Variants in CDV3 observed in about 807,000 individuals in gnomAD.
The protein encoded by CDV3 is CDV3 homolog.
Under a neutral mutation model 24.5 loss-of-function variants are expected in CDV3, and 14 were observed. The observed-to-expected ratio is 0.57, with a 90% CI of 0.38 to 0.89. The LOEUF (loss-of-function observed/expected upper bound fraction) is 0.89, where lower values mean the gene tolerates loss of function less well. Among genes scored for constraint, CDV3 ranks in the 40% least tolerant of loss-of-function variants. The probability of loss-of-function intolerance (pLI) is 0.00; values close to 1 mark genes in which losing one functional copy is unlikely to be tolerated. For missense variants in CDV3, 304 were observed against 310.2 expected (o/e 0.98, Z 0.15); for synonymous variants, 114 against 114.1 (o/e 1.00, Z 0.00).
At chr3:133,575,138 T>C in intron 2 of CDV3, 23 bp downstream of exon 2, 3 of 1,307,218 alleles carry the variant, frequency 2.3e-6, no homozygotes, top group South Asian at 1.2e-5. Flanking sequence ...TACAAATGTG[T>C]TTAGATAACC....
At chr3:133,576,841 C>CTTTTTTGTTTTTTTTTTTTT in intron 2 of CDV3, among the ~76,000 whole-genome samples, 1 of 62,388 alleles carries the variant, frequency 1.6e-5, no homozygotes, top group Non-Finnish European at 2.8e-5. Context: ...GGTAGACTAG[C>CTTTTTTGTTTTTTTTTTTTT]TTTTTTTTTT....
rs1324680817 is a variant in CDV3, at chr3:133,588,035, C to T, written c.766C>T (p.Gln256Ter). ...TGAAAATCAGAAAAGCAGCCACTCACAATACAATTAAGGAATGGGCTTTGC... is the reference window on the plus strand; with the variant it reads ...TGAAAATCAGAAAAGCAGCCACTCATAATACAATTAAGGAATGGGCTTTGC... ...VLENQKSSHSQYN is the reference protein window; with the variant it reads ...VLENQKSSHS Residue 256 changes from glutamine to a stop codon, truncating the protein, a stop_gained, in exon 5 of 5, where the codon CAA becomes TAA. Transcript: ENST00000264993. LOFTEE classifies it high-confidence loss of function. 14 of 1,613,224 alleles carry T rather than the reference C, an allele frequency of 8.7e-6. No homozygotes were observed. Among genetic ancestry groups the T allele is most frequent in the Admixed American group, 1.7e-5 (1 of 59,706 alleles).
chr3:133,576,919 C>G (rs2074836980), intron 2 of CDV3, among the ~76,000 whole-genome samples: 1 of 131,782 alleles, frequency 7.6e-6, no homozygotes, highest in Non-Finnish European at 1.6e-5. Flanking sequence ...AAAATCTCGG[C>G]TCACTGCAAC....
intron 3 of CDV3, 104 bp from the exon 4 acceptor site, chr3:133,586,459 G>A: frequency 4.5e-6 from 3 of 659,976 alleles, no homozygotes; most frequent in Non-Finnish European, 8.0e-6. Flanking sequence ...AGAGACCCTG[G>A]TATTGTTTTT....
chr3:133,581,109 G>GT (rs2107716686), intron 2 of CDV3, among the ~76,000 whole-genome samples: 1 of 152,150 alleles, frequency 6.6e-6, no homozygotes, highest in South Asian at 2.1e-4. Flanking sequence ...GAGGCTGGGC[G>GT]TGGTGGCTCA....
intron 2 of CDV3, among the ~76,000 whole-genome samples, chr3:133,581,010 A>G (rs895718237): frequency 6.6e-6 from 1 of 152,148 alleles, no homozygotes; most frequent in Non-Finnish European, 1.5e-5. Context: ...GAGATGTTAG[A>G]CACTAGACAG....
intron 2 of CDV3, among the ~76,000 whole-genome samples, chr3:133,576,841 C>CTTTTTTT (rs370619351): frequency 0.015 from 922 of 62,272 alleles, 249 homozygotes; most frequent in African/African-American, 0.054. Context: ...GGTAGACTAG[C>CTTTTTTT]TTTTTTTTTT....
rs1046966692 is a variant in CDV3 at position 133,588,875 on chromosome 3, C to G, written c.*829C>G. 2.0e-5 allele frequency: 3 copies of G among 151,562 alleles called. No homozygotes were observed. Among genetic ancestry groups the G allele is most frequent in the African/African-American group, 4.9e-5 (2 of 40,702 alleles). The allele number at this position is 151,562 out of a possible 1,614,324, so 9.4% of individuals were successfully genotyped here. ...TTGTTCTGCATTAAGGCCTTTTTTG[C>G]TTTGACTTGAAATAAGTTCTTTGAC... On this transcript the variant is annotated 3_prime_UTR_variant, in exon 5 of 5. Coordinates refer to ENST00000264993, the MANE Select transcript of CDV3 (RefSeq NM_017548.5).
Position 133,588,251 on chromosome 3 carries a change from A to G in CDV3, c.*205A>G. On this transcript the variant is annotated 3_prime_UTR_variant, in exon 5 of 5. Coordinates refer to ENST00000264993, the MANE Select transcript of CDV3 (RefSeq NM_017548.5). The stretch of plus-strand genomic sequence containing the variant: ...TAGGGGAATTTTCATTGTTACATAA[A>G]TGTGTGAACTAGTTTCAACAGTGTT... 6.5e-7 allele frequency: 1 copy of G among 1,542,026 alleles called. No homozygotes were observed. The highest frequency in any genetic ancestry group is 8.7e-7 in the Non-Finnish European group (1 of 1,145,028).
At chr3:133,577,089 G>A (rs1249921178) in intron 2 of CDV3, among the ~76,000 whole-genome samples, 12 of 151,466 alleles carry the variant, frequency 7.9e-5, no homozygotes, top group Admixed American at 7.9e-4. Context: ...CTCGTGATCC[G>A]CCCGCCTCAG....
chr3:133,585,323 A>C (rs1933479037), intron 3 of CDV3, among the ~76,000 whole-genome samples: 1 of 152,054 alleles, frequency 6.6e-6, no homozygotes, highest in Non-Finnish European at 1.5e-5. Flanking sequence ...TGCAGGTGTG[A>C]GTCACCACAC....
intron 2 of CDV3, among the ~76,000 whole-genome samples, chr3:133,575,648 T>G (rs2074777951): frequency 6.6e-6 from 1 of 152,234 alleles, no homozygotes; most frequent in Non-Finnish European, 1.5e-5. Flanking sequence ...ACTCACTGCA[T>G]TCACCTTCAA....
At position 133,588,163 on chromosome 3, in the gene CDV3, C is replaced by T; in HGVS notation, c.*117C>T. ...GACACCGATGCAGACCACTCGATTT[C>T]ATGACCGGCCCTATTGCACTATGGA... On this transcript the variant is annotated 3_prime_UTR_variant, in exon 5 of 5. Transcript: ENST00000264993. The T allele has an allele frequency of 6.5e-7, 1 of 1,546,658 alleles. No individual in the cohort carries two copies. Among genetic ancestry groups the T allele is most frequent in the Non-Finnish European group, 8.7e-7 (1 of 1,147,936 alleles).
rs1491090316 is a variant in CDV3, at chr3:133,588,796, GGT to G, written c.*751_*752del. 1.5e-4 allele frequency: 15 copies of G among 97,812 alleles called. No homozygotes were observed. Among genetic ancestry groups the G allele is most frequent in the Non-Finnish European group, 3.3e-4 (14 of 42,468 alleles). 6.1% of individuals were successfully genotyped at this position (97,812 alleles called of 1,614,324 possible). ...GGGGAAGGGAGAGAATAATCTTGGG[GGT>G]TTTTTTTTTTTGGTAATTTTTTTAT... On this transcript the variant is annotated 3_prime_UTR_variant, in exon 5 of 5. Coordinates refer to ENST00000264993, the MANE Select transcript of CDV3 (RefSeq NM_017548.5).
Position 133,584,099 on chromosome 3 carries a change from G to C in CDV3, c.415G>C (p.Gly139Arg). 6.2e-7 allele frequency: 1 copy of C among 1,612,826 alleles called. No individual in the cohort carries two copies. Among genetic ancestry groups the C allele is most frequent in the Non-Finnish European group, 8.5e-7 (1 of 1,178,984 alleles). ...GGGGGMEKSS[G>R]PWNKTAPVQA... ...TGGTGGAGGTATGGAAAAATCTTCA[G>C]GTCCCTGGAATAAAACAGCTCCAGT... The change falls in exon 3 of 5, where the codon GGT (glycine) becomes CGT (arginine). Residue 139 changes from glycine to arginine, a missense_variant. Gly to Arg is a moderately radical substitution (Grantham distance 125). This residue lies in a region of CDV3 where 219 missense variants were observed against 203.6 expected (regional missense o/e 1.08). Coordinates refer to ENST00000264993, the MANE Select transcript of CDV3 (RefSeq NM_017548.5).
intron 4 of CDV3, chr3:133,587,556 AAG>A (rs1212409018): frequency 6.4e-6 from 7 of 1,099,854 alleles, no homozygotes; most frequent in Admixed American, 4.6e-5. Flanking sequence ...CTTGTGCATA[AAG>A]AGAGAGATGT....
chr3:133,576,841 C>CTTTTTTTTGTTTTTT (rs2074828074), intron 2 of CDV3, among the ~76,000 whole-genome samples: 1 of 62,388 alleles, frequency 1.6e-5, no homozygotes, highest in Non-Finnish European at 2.8e-5. Context: ...GGTAGACTAG[C>CTTTTTTTTGTTTTTT]TTTTTTTTTT....
Position 133,588,133 on chromosome 3 carries a change from C to A in CDV3, c.*87C>A. ...ATTCATCATCTGATCTCTGCTGGAT[C>A]TACAGACACCGATGCAGACCACTCG... On this transcript the variant is annotated 3_prime_UTR_variant, in exon 5 of 5. Coordinates refer to ENST00000264993, the MANE Select transcript of CDV3 (RefSeq NM_017548.5). The A allele has an allele frequency of 1.9e-6, 3 of 1,568,964 alleles. No homozygotes were observed. Among genetic ancestry groups the A allele is most frequent in the Non-Finnish European group, 2.6e-6 (3 of 1,159,038 alleles).
chr3:133,581,053 C>T (rs1932964159), intron 2 of CDV3, among the ~76,000 whole-genome samples: 1 of 152,072 alleles, frequency 6.6e-6, no homozygotes, highest in Non-Finnish European at 1.5e-5. Context: ...GATACTGTCA[C>T]TATTCCATCA....
Sources: gnomAD v4.1 joint callset for allele counts (sites outside exome capture counted in the v4.1 genomes callset) on GRCh38, gnomAD v4.1.1 for gene constraint, gnomAD v4.1.1 regional missense constraint, MANE v1.5 for transcripts, NCBI Gene and HGNC (gene_info 2026-07-23, HGNC 2026-07-21) for gene names.